The following SORCS3 variants were observed in gnomAD, a reference collection of about 807,000 sequenced individuals.
SORCS3 encodes the protein sortilin related VPS10 domain containing receptor 3, also known as VPS10 domain-containing receptor SorCS3.
SORCS3 carries 57 observed loss-of-function variants against 146.3 expected under a neutral mutation model. The observed-to-expected ratio is 0.39, with a 90% CI of 0.31 to 0.49. SORCS3 has a LOEUF of 0.49. Ranked by LOEUF, SORCS3 falls within the 20% of genes least tolerant of loss-of-function variation. SORCS3 has a pLI of 0.92. For synonymous variants in SORCS3, 653 were observed against 618.5 expected (o/e 1.06, Z -0.83); for missense variants, 1,341 against 1,575.5 (o/e 0.85, Z 2.52).
intron 1 of SORCS3, among the ~76,000 whole-genome samples, chr10:104,721,455 T>C (rs2133445182): frequency 6.6e-6 from 1 of 152,314 alleles, no homozygotes; most frequent in Admixed American, 6.5e-5. Flanking sequence ...GACTTGGCAA[T>C]GCGGGCTCTT....
At chr10:105,031,332 A>AAC (rs371026666) in intron 4 of SORCS3, among the ~76,000 whole-genome samples, 1,584 of 113,522 alleles carry the variant, frequency 0.014, 20 homozygotes, top group East Asian at 0.084. Context: ...CACACACACA[A>AAC]ACACACACAC....
chr10:104,654,714 A>C (rs191615117), intron 1 of SORCS3, among the ~76,000 whole-genome samples: 1 of 152,168 alleles, frequency 6.6e-6, no homozygotes, highest in Non-Finnish European at 1.5e-5. Flanking sequence ...ATCATGTGCT[A>C]TTTGGCATTA....
At chr10:104,908,978 G>A (rs1564710973) in intron 2 of SORCS3, among the ~76,000 whole-genome samples, 1 of 152,148 alleles carries the variant, frequency 6.6e-6, no homozygotes, top group Non-Finnish European at 1.5e-5. Context: ...AGAGATCCAG[G>A]CAGAAATCTT....
chr10:105,253,324 C>G (rs2056912307), intron 23 of SORCS3, among the ~76,000 whole-genome samples: 1 of 152,154 alleles, frequency 6.6e-6, no homozygotes, highest in South Asian at 2.1e-4. Context: ...AGATCCTGGC[C>G]AATGTTAAGC....
intron 16 of SORCS3, among the ~76,000 whole-genome samples, chr10:105,207,272 T>TTTATTATCATTATTATTA (rs1554886617): frequency 1.4e-5 from 2 of 147,148 alleles, no homozygotes; most frequent in African/African-American, 2.5e-5. Context: ...CATGCAGAGG[T>TTTATTATCATTATTATTA]TTATTATTAT....
intron 13 of SORCS3, among the ~76,000 whole-genome samples, chr10:105,176,790 G>A (rs1187318905): frequency 6.6e-6 from 1 of 152,048 alleles, no homozygotes; most frequent in East Asian, 1.9e-4. Context: ...GGGAGGCGGA[G>A]GTTGCAGTGA....
chr10:104,998,859 G>A (rs2055042514), intron 4 of SORCS3, among the ~76,000 whole-genome samples: 1 of 152,046 alleles, frequency 6.6e-6, no homozygotes, highest in African/African-American at 2.4e-5. Context: ...TCACAAGCTG[G>A]GGTTCGGACT....
chr10:105,048,334 C>T (rs2055388231), intron 5 of SORCS3, among the ~76,000 whole-genome samples: 1 of 148,944 alleles, frequency 6.7e-6, no homozygotes, highest in African/African-American at 2.5e-5. Context: ...CACATATACA[C>T]CATGGAATAC....
intron 19 of SORCS3, 103 bp from the exon 20 acceptor site, chr10:105,223,013 T>C (rs2056712897): frequency 2.4e-6 from 3 of 1,268,104 alleles, no homozygotes; most frequent in Middle Eastern, 2.0e-4. Context: ...CTTCCTTTTT[T>C]ACAGGAGATG....
chr10:104,793,819 G>C (rs142512272), intron 1 of SORCS3, among the ~76,000 whole-genome samples: 2 of 152,276 alleles, frequency 1.3e-5, no homozygotes, highest in Non-Finnish European at 2.9e-5. Flanking sequence ...GGATTTATAG[G>C]TCTGAAGGTG....
At chr10:104,669,647 A>G (rs774044808) in intron 1 of SORCS3, among the ~76,000 whole-genome samples, 12 of 152,202 alleles carry the variant, frequency 7.9e-5, no homozygotes, top group Non-Finnish European at 1.5e-4. Flanking sequence ...GTTGATGAAC[A>G]CTTGGGTTGC....
At chr10:104,943,634 T>C (rs1373362748) in intron 3 of SORCS3, among the ~76,000 whole-genome samples, 3 of 152,198 alleles carry the variant, frequency 2.0e-5, no homozygotes, top group African/African-American at 4.8e-5. Flanking sequence ...AACATCCTTA[T>C]TTCCCCCCAC....
At chr10:104,983,021 A>G (rs1179543763) in intron 4 of SORCS3, among the ~76,000 whole-genome samples, 1 of 151,032 alleles carries the variant, frequency 6.6e-6, no homozygotes, top group African/African-American at 2.4e-5. Flanking sequence ...ATTTTTTGAA[A>G]TGGAGTCTTG....
intron 6 of SORCS3, among the ~76,000 whole-genome samples, chr10:105,099,615 A>T (rs2055769445): frequency 6.6e-6 from 1 of 152,180 alleles, no homozygotes; most frequent in South Asian, 2.1e-4. Context: ...TAAAGAGGTG[A>T]TCCTTTTGGA....
chr10:105,083,814 C>T (rs767670516), intron 5 of SORCS3, among the ~76,000 whole-genome samples: 3 of 152,130 alleles, frequency 2.0e-5, no homozygotes, highest in African/African-American at 4.8e-5. Context: ...AGAATGCATT[C>T]GTATTTCCTA....
chr10:104,757,579 G>A (rs942507959), intron 1 of SORCS3, among the ~76,000 whole-genome samples: 1 of 152,174 alleles, frequency 6.6e-6, no homozygotes, highest in African/African-American at 2.4e-5. Flanking sequence ...GTGTGCTTGT[G>A]TATTCAGAGG....
At chr10:105,205,341 G>A (rs2056596378) in intron 16 of SORCS3, among the ~76,000 whole-genome samples, 1 of 152,146 alleles carries the variant, frequency 6.6e-6, no homozygotes, top group Non-Finnish European at 1.5e-5. Context: ...TTTATTTGTA[G>A]CAAAACATTC....
chr10:104,864,887 C>G (rs1021005083), intron 2 of SORCS3, among the ~76,000 whole-genome samples: 2 of 152,134 alleles, frequency 1.3e-5, no homozygotes, highest in Non-Finnish European at 2.9e-5. Flanking sequence ...CCCTACCTTC[C>G]CCTGGTGCCC....
At chr10:104,870,115 A>G (rs1268729314) in intron 2 of SORCS3, among the ~76,000 whole-genome samples, 3 of 152,254 alleles carry the variant, frequency 2.0e-5, no homozygotes, top group African/African-American at 7.2e-5. Flanking sequence ...ATTGATGCAT[A>G]TTATAAATGT....
Sources: allele counts gnomAD v4.1 joint callset (sites outside exome capture counted in the v4.1 genomes callset), GRCh38; gene constraint gnomAD v4.1.1; transcripts MANE v1.5; gene names NCBI Gene and HGNC (gene_info 2026-07-23, HGNC 2026-07-21).